PAX8: variants seen among roughly 807,000 people sequenced by gnomAD.
PAX8 encodes paired box protein Pax-8.
In PAX8, 15 loss-of-function variants were observed where a neutral mutation model predicts 52.4. That is an observed-to-expected ratio of 0.29 (90% CI 0.19 to 0.44). The LOEUF is 0.44. PAX8 is among the 20% of genes least tolerant of loss of function. PAX8 has a pLI of 1.00. For missense variants in PAX8, 554 were observed against 602.5 expected, an observed-to-expected ratio of 0.92 and a Z score of 0.84; for synonymous variants, 284 against 249.7, an observed-to-expected ratio of 1.14 and a Z score of -1.29.
chr2:113,254,418 A>T (rs1351755838), intron 2 of PAX8, among the ~76,000 whole-genome samples: 1 of 152,322 alleles, frequency 6.6e-6, no homozygotes, highest in African/African-American at 2.4e-5. Context: ...AGAGAGAATG[A>T]GCTCAAGCTG....
In PAX8 at chr2:113,216,267, A is replaced by T; in HGVS notation, c.*2266T>A. The T allele has an allele frequency of 4.3e-6, 1 of 231,370 alleles. No homozygotes were observed. Among genetic ancestry groups the T allele is most frequent in the Admixed American group, 5.6e-5 (1 of 17,720 alleles). The allele number at this position is 231,370 out of a possible 1,614,324, so 14.3% of individuals were successfully genotyped here. ...CATTGAAAAACCAGCCGCATCTCAG[A>T]TCCCTTCAGAAGAGATGGATTTTCT... On this transcript the variant is annotated 3_prime_UTR_variant, in exon 12 of 12. Transcript: ENST00000429538.
chr2:113,218,340 G>T lies in PAX8; in HGVS notation c.*193C>A. 2.3e-6 allele frequency: 1 copy of T among 427,666 alleles called. No homozygotes were observed. The highest frequency in any genetic ancestry group is 4.1e-6 in the Non-Finnish European group (1 of 241,938). 26.5% of individuals were successfully genotyped at this position (427,666 alleles called of 1,614,324 possible). On this transcript the variant is annotated 3_prime_UTR_variant, in exon 12 of 12. Coordinates refer to ENST00000429538, the MANE Select transcript of PAX8 (RefSeq NM_003466.4). ...TGCCCCTCATTAAGGAGTCTTGGAGGACAGTTTGGCCTTGTCCAAGGTCAT... is the reference window on the plus strand; with the variant it reads ...TGCCCCTCATTAAGGAGTCTTGGAGTACAGTTTGGCCTTGTCCAAGGTCAT...
At chr2:113,272,338 T>C (rs1693517379) in intron 2 of PAX8, 1 of 152,290 alleles carries the variant, frequency 6.6e-6, no homozygotes, top group Admixed American at 6.5e-5. Context: ...GCCAGTGGCT[T>C]ATATAAGAGA....
chr2:113,243,302 C>T lies in PAX8; in HGVS notation c.390-524G>A, dbSNP rs1001176859. ...AAAGGCAAGAAGATATAACACAGCC[C>T]CCAGCCTCTGAAAGGTCACCTCTGC... On this transcript the variant is annotated intron_variant, in intron 4 of 11. Transcript: ENST00000429538. Among the ~76,000 whole-genome samples, 15 of 152,358 alleles carry T rather than the reference C, an allele frequency of 9.8e-5. No homozygotes were observed. The South Asian group carries it at 1.9e-3, about 19-fold the overall frequency.
At chr2:113,242,804 G>C in intron 4 of PAX8, 26 bp from the exon 5 acceptor site, 1 of 1,571,836 alleles carries the variant, frequency 6.4e-7, no homozygotes, top group Non-Finnish European at 8.8e-7. Context: ...GAAAGGCCAT[G>C]AGAGAGAAGA....
intron 2 of PAX8, among the ~76,000 whole-genome samples, chr2:113,262,856 G>C (rs539081757): frequency 6.6e-6 from 1 of 152,304 alleles, no homozygotes; most frequent in South Asian, 2.1e-4. Flanking sequence ...CAACTCTTCT[G>C]ACCCCTTGAT....
At chr2:113,255,295 A>AGGGGGGGGGGG (rs1692166373) in intron 2 of PAX8, 1 of 8,282 alleles carries the variant, frequency 1.2e-4, no homozygotes, top group Non-Finnish European at 2.1e-4. Flanking sequence ...GGGAGGGAGG[A>AGGGGGGGGGGG]GGGAGGGGAG....
chr2:113,222,857 T>C (rs1211357059), intron 10 of PAX8, among the ~76,000 whole-genome samples: 1 of 151,794 alleles, frequency 6.6e-6, no homozygotes, highest in Non-Finnish European at 1.5e-5. Flanking sequence ...ATATCCTCAA[T>C]TCCCTTGACC....
At chr2:113,218,757 C>T in intron 11 of PAX8, 148 bp from the exon 12 acceptor site, 1 of 572,346 alleles carries the variant, frequency 1.7e-6, no homozygotes, top group Non-Finnish European at 3.1e-6. Flanking sequence ...ATTAACTCCT[C>T]TCCAGCCCTA....
chr2:113,256,029 G>C (rs901270687), intron 2 of PAX8, among the ~76,000 whole-genome samples: 1 of 150,678 alleles, frequency 6.6e-6, no homozygotes, highest in African/African-American at 2.4e-5. Context: ...AGTTCTCATT[G>C]TCAAGGAGCT....
chr2:113,254,219 A>G (rs1692020906), intron 2 of PAX8, among the ~76,000 whole-genome samples: 1 of 152,200 alleles, frequency 6.6e-6, no homozygotes, highest in South Asian at 2.1e-4. Context: ...TATGCCTACC[A>G]TGTGGCAAAC....
chr2:113,226,501 C>T, intron 10 of PAX8: 1 of 988,666 alleles, frequency 1.0e-6, no homozygotes, highest in Non-Finnish European at 1.2e-6. Context: ...ACAAAGAAAC[C>T]CAAATGACTG....
At chr2:113,221,781 A>G (rs1301775708) in intron 10 of PAX8, among the ~76,000 whole-genome samples, 1 of 152,196 alleles carries the variant, frequency 6.6e-6, no homozygotes, top group African/African-American at 2.4e-5. Flanking sequence ...TTATACAGGA[A>G]GAAGAGAGAT....
At chr2:113,222,015 A>T (rs1376855226) in intron 10 of PAX8, among the ~76,000 whole-genome samples, 1 of 152,262 alleles carries the variant, frequency 6.6e-6, no homozygotes, top group Admixed American at 6.5e-5. Context: ...TATTTAACAG[A>T]TGAAAAACTA....
At chr2:113,232,233 C>T (rs779698970) in intron 9 of PAX8, among the ~76,000 whole-genome samples, 1 of 152,230 alleles carries the variant, frequency 6.6e-6, no homozygotes, top group Non-Finnish European at 1.5e-5. Context: ...TCCAGGCCAA[C>T]ACCCTGAGCT....
intron 2 of PAX8, among the ~76,000 whole-genome samples, chr2:113,251,775 C>T (rs781680045): frequency 6.6e-6 from 1 of 152,192 alleles, no homozygotes; most frequent in Non-Finnish European, 1.5e-5. Context: ...TTGTTATATG[C>T]ACCAATATCC....
chr2:113,259,668 A>T (rs1463397618), intron 2 of PAX8: 1 of 151,978 alleles, frequency 6.6e-6, no homozygotes, highest in Non-Finnish European at 1.5e-5. Flanking sequence ...TAGAGTTTAT[A>T]TCTACTCTGT....
In PAX8 at chr2:113,256,630, ATGTG is replaced by A. The variant is rs72155714; in HGVS notation, c.26-9715_26-9712del. Among the ~76,000 whole-genome samples the A allele has an allele frequency of 1.1e-3, 160 of 140,094 alleles. 1 individual carries two copies. The highest frequency in any genetic ancestry group is 6.8e-3 in the East Asian group (34 of 5,012). The allele number at this position is 140,094 out of a possible 152,430, so 91.9% of individuals were successfully genotyped here. On this transcript the variant is annotated intron_variant, in intron 2 of 11. Transcript: ENST00000429538. ...TATGTGTGTGTGTATATATATATAT[ATGTG>A]TGTGTGTGTGTGTGTGTGTGTATAT...
Position 113,246,664 on chromosome 2 carries a change from C to A in PAX8, c.191+90G>T. On this transcript the variant is annotated intron_variant, in intron 3 of 11. Transcript: ENST00000429538. The stretch of plus-strand genomic sequence containing the variant: ...GGACATTGGGAGCAAATCCCCGTTC[C>A]CTGGGAGGGGAATTCTCTAGCTGCC... 2 of 1,452,084 alleles carry A rather than the reference C, an allele frequency of 1.4e-6. 1 individual carries two copies. Among genetic ancestry groups the A allele is most frequent in the East Asian group, 4.6e-5 (2 of 43,814 alleles). The allele number at this position is 1,452,084 out of a possible 1,614,324, so 89.9% of individuals were successfully genotyped here. A position where few individuals can be genotyped will look rare whatever the true frequency, so the allele number is the denominator to read the frequency against.
Sources: allele counts gnomAD v4.1 joint callset (sites outside exome capture counted in the v4.1 genomes callset), GRCh38; gene constraint gnomAD v4.1.1; transcripts MANE v1.5; gene names NCBI Gene and HGNC (gene_info 2026-07-23, HGNC 2026-07-21).